PAN3: variants seen among roughly 807,000 people sequenced by gnomAD.
The protein encoded by PAN3 is PAN2-PAN3 deadenylation complex subunit PAN3.
A neutral mutation model predicts 96.2 loss-of-function variants in PAN3; 19 were observed. The ratio of observed to expected loss-of-function variants is 0.20; its 90% confidence interval spans 0.14 to 0.29. PAN3 has a LOEUF of 0.29. PAN3 is among the 10% of genes least tolerant of loss of function. The pLI, the probability that PAN3 is intolerant of heterozygous loss-of-function variation, is 1.00. For synonymous variants in PAN3, 433 were observed against 406.6 expected (o/e 1.06, Z -0.78); for missense variants, 882 against 1,108.1 (o/e 0.80, Z 2.90).
At chr13:28,240,889 T>G (rs975719517) in intron 6 of PAN3, among the ~76,000 whole-genome samples, 1 of 152,230 alleles carries the variant, frequency 6.6e-6, no homozygotes, top group African/African-American at 2.4e-5. Context: ...TATTCTGGGA[T>G]GAGATCCATG....
intron 1 of PAN3, among the ~76,000 whole-genome samples, chr13:28,146,278 A>G (rs1192305346): frequency 1.3e-5 from 2 of 149,638 alleles, no homozygotes; most frequent in Admixed American, 1.3e-4. Context: ...ACCTAAATAT[A>G]TATATTTTTT....
chr13:28,172,897 CAAAAG>C (rs1202844345), intron 1 of PAN3, among the ~76,000 whole-genome samples: 2 of 152,060 alleles, frequency 1.3e-5, no homozygotes, highest in Admixed American at 6.6e-5. Flanking sequence ...TCTACAAAAA[CAAAAG>C]AAGAGAGTTT....
At chr13:28,177,309 CTT>C (rs1472727408) in intron 3 of PAN3, among the ~76,000 whole-genome samples, 1 of 152,076 alleles carries the variant, frequency 6.6e-6, no homozygotes, top group Non-Finnish European at 1.5e-5. Flanking sequence ...TTTTGAAAAA[CTT>C]TATTATTTCT....
At chr13:28,260,424 T>C (rs760101508) in intron 7 of PAN3, 23 bp from the exon 8 acceptor site, 1 of 1,533,674 alleles carries the variant, frequency 6.5e-7, no homozygotes, top group South Asian at 1.1e-5. Context: ...GTGATTACAT[T>C]TACCCCCTTC....
Position 28,138,950 on chromosome 13 carries a change from T to C in PAN3, c.293T>C (p.Phe98Ser). 2 of 1,319,188 alleles carry C rather than the reference T, an allele frequency of 1.5e-6. No homozygotes were observed. The highest frequency in any genetic ancestry group is 1.9e-6 in the Non-Finnish European group (2 of 1,035,580). 81.7% of individuals were successfully genotyped at this position (1,319,188 alleles called of 1,614,324 possible). A position where few individuals can be genotyped will look rare whatever the true frequency, so the allele number is the denominator to read the frequency against. ...LALAGAPVAG[F>S]PPGAVAGGGA... ...CTGGCTGGTGCACCCGTGGCCGGCT[T>C]TCCGCCGGGAGCCGTCGCGGGCGGG... Residue 98 changes from phenylalanine to serine, a missense_variant, in exon 1 of 19, where the codon TTT becomes TCT. Phe to Ser is a radical substitution (Grantham distance 155, BLOSUM62 -2). Around this residue, in one of 3 missense-constraint regions of PAN3, gnomAD observed 442 missense variants for 422.8 expected, o/e 1.05. Transcript: ENST00000380958.
chr13:28,220,225 A>G lies in PAN3; in HGVS notation c.853-6A>G, dbSNP rs563603170. ...TGTTAACTTACTATATTTGATTTTTAAATAGACACCAAATCCTACTGCAAG... is the reference window on the plus strand; with the variant it reads ...TGTTAACTTACTATATTTGATTTTTGAATAGACACCAAATCCTACTGCAAG... On this transcript the variant is annotated splice_polypyrimidine_tract_variant and splice_region_variant and intron_variant, in intron 5 of 18. Coordinates refer to ENST00000380958, the MANE Select transcript of PAN3 (RefSeq NM_175854.8). 1 of 1,610,542 alleles carries G rather than the reference A, an allele frequency of 6.2e-7. No homozygotes were observed. Among genetic ancestry groups the G allele is most frequent in the Non-Finnish European group, 8.5e-7 (1 of 1,178,156 alleles).
intron 6 of PAN3, among the ~76,000 whole-genome samples, chr13:28,235,802 A>G (rs1593531522): frequency 6.6e-6 from 1 of 151,198 alleles, no homozygotes. Context: ...AGCTCACTGC[A>G]CCCTCAAACT....
At chr13:28,207,505 A>T (rs1205470553) in intron 5 of PAN3, among the ~76,000 whole-genome samples, 1 of 152,124 alleles carries the variant, frequency 6.6e-6, no homozygotes, top group Non-Finnish European at 1.5e-5. Context: ...CTATTGAACT[A>T]TTTGTGGTAC....
chr13:28,215,554 A>G (rs1367986084), intron 5 of PAN3: 8 of 709,154 alleles, frequency 1.1e-5, no homozygotes, highest in Non-Finnish European at 2.0e-5. Context: ...ATTCTGAACC[A>G]TTCAGGCTAA....
At chr13:28,219,237 G>A (rs1400040632) in intron 5 of PAN3, among the ~76,000 whole-genome samples, 2 of 152,154 alleles carry the variant, frequency 1.3e-5, no homozygotes, top group Admixed American at 1.3e-4. Flanking sequence ...TGCCTTAGAT[G>A]TGGCAGTAAA....
At chr13:28,163,952 G>A (rs535571097) in intron 1 of PAN3, among the ~76,000 whole-genome samples, 2 of 152,176 alleles carry the variant, frequency 1.3e-5, no homozygotes, top group South Asian at 4.1e-4. Context: ...TATTGGCCAG[G>A]CATAGTGGTG....
chr13:28,156,193 T>A (rs528474237), intron 1 of PAN3, among the ~76,000 whole-genome samples: 28 of 150,372 alleles, frequency 1.9e-4, no homozygotes, highest in African/African-American at 5.4e-4. Flanking sequence ...AAAAAGAAGA[T>A]CCAAATAAAC....
chr13:28,272,217 C>T, intron 14 of PAN3, 146 bp downstream of exon 14: 3 of 465,048 alleles, frequency 6.5e-6, no homozygotes, highest in South Asian at 3.9e-5. Flanking sequence ...GTATCTCCCC[C>T]TCCCCTCCCT....
At position 28,176,516 on chromosome 13, in the gene PAN3, C is replaced by T; in HGVS notation, c.576C>T (p.Ser192=). Residue 192 remains serine (S), a synonymous_variant, in exon 3 of 19, where the codon TCC becomes TCT. Transcript: ENST00000380958. ...LMQRMTNSSS[S]PSLLNDSAKP... ...AGAGAATGACTAATAGTAGCAGCTC[C>T]CCAAGCCTTCTAAATGACAGTGCCA... 6.2e-7 allele frequency: 1 copy of T among 1,613,788 alleles called. No homozygotes were observed. Among genetic ancestry groups the T allele is most frequent in the East Asian group, 2.2e-5 (1 of 44,854 alleles).
intron 6 of PAN3, among the ~76,000 whole-genome samples, chr13:28,231,365 T>C (rs1882539098): frequency 6.6e-6 from 1 of 152,214 alleles, no homozygotes. Flanking sequence ...CTGTGATCTC[T>C]ATCAAATATT....
At chr13:28,242,326 CTTGGTTG>C (rs140116671) in intron 6 of PAN3, among the ~76,000 whole-genome samples, 2,756 of 152,194 alleles carry the variant, frequency 0.018, 70 homozygotes, top group African/African-American at 0.062. Flanking sequence ...TATTTAGCAT[CTTGGTTG>C]TTGGTACCAA....
At chr13:28,206,541 CG>C (rs1879386382) in intron 5 of PAN3, among the ~76,000 whole-genome samples, 1 of 151,790 alleles carries the variant, frequency 6.6e-6, no homozygotes, top group Non-Finnish European at 1.5e-5. Flanking sequence ...AGGCTGGTCT[CG>C]AACTCCTGAC....
At chr13:28,284,971 C>A (rs1868798252) in intron 17 of PAN3, among the ~76,000 whole-genome samples, 1 of 152,082 alleles carries the variant, frequency 6.6e-6, no homozygotes, top group Non-Finnish European at 1.5e-5. Flanking sequence ...TCATCGTAAC[C>A]AAGATCATGG....
chr13:28,292,493 C>T lies in PAN3; in HGVS notation c.2635C>T (p.Leu879=). Reference sequence around the variant, plus strand: ...CTGCTTTGAAAATACTTTTCAAGAACTGATTGCAGCTGCAAATGGTCAGTT... The same window carrying T: ...CTGCTTTGAAAATACTTTTCAAGAATTGATTGCAGCTGCAAATGGTCAGTT... ...KRCFENTFQE[L]IAAANGQL is the part of the protein sequence containing the mutation. Residue 879 remains leucine (L), a synonymous_variant, in exon 19 of 19, where the codon CTG becomes TTG. Coordinates refer to ENST00000380958, the MANE Select transcript of PAN3 (RefSeq NM_175854.8). 1.9e-6 allele frequency: 3 copies of T among 1,612,148 alleles called. No individual in the cohort carries two copies. The East Asian group carries it at 6.7e-5, about 36-fold the overall frequency.
Sources: allele counts gnomAD v4.1 joint callset (sites outside exome capture counted in the v4.1 genomes callset), GRCh38; gene constraint gnomAD v4.1.1; regional missense constraint gnomAD v4.1.1; transcripts MANE v1.5; gene names NCBI Gene and HGNC (gene_info 2026-07-23, HGNC 2026-07-21).